The following NDUFAF6 variants were observed in gnomAD, a reference collection of about 807,000 sequenced individuals.
NDUFAF6 encodes NADH:ubiquinone oxidoreductase complex assembly factor 6.
Under a neutral mutation model 40.8 loss-of-function variants are expected in NDUFAF6, and 45 were observed. That is an observed-to-expected ratio of 1.10 (90% CI 0.87 to 1.42). NDUFAF6 has a LOEUF of 1.42. NDUFAF6 is among the 40% of genes most tolerant of loss of function. NDUFAF6 has a pLI of 0.00. For missense variants in NDUFAF6, 435 were observed against 418.5 expected (o/e 1.04, Z -0.34); for synonymous variants, 185 against 155.9 (o/e 1.19, Z -1.39).
chr8:94,999,324 A>C (rs1826606005), intron 2 of NDUFAF6, among the ~76,000 whole-genome samples: 1 of 152,096 alleles, frequency 6.6e-6, no homozygotes. Flanking sequence ...GGGTTTCACC[A>C]TGTTGGCCAG....
chr8:95,116,966 C>A (rs1810148445), downstream of NDUFAF6, among the ~76,000 whole-genome samples: 1 of 152,192 alleles, frequency 6.6e-6, no homozygotes, highest in Non-Finnish European at 1.5e-5. Context: ...AGTCCCAAAG[C>A]AGATGCCAAC....
At chr8:94,941,791 C>A (rs1285099826) in intron 1 of NDUFAF6, among the ~76,000 whole-genome samples, 1 of 152,194 alleles carries the variant, frequency 6.6e-6, no homozygotes, top group African/African-American at 2.4e-5. Flanking sequence ...GTGACTTCAG[C>A]TGGCAACAGC....
intron 1 of NDUFAF6, among the ~76,000 whole-genome samples, chr8:94,919,848 C>G (rs1819380679): frequency 6.6e-6 from 1 of 152,156 alleles, no homozygotes; most frequent in South Asian, 2.1e-4. Context: ...CATTGTAAAC[C>G]AAGCAAGTTA....
intron 1 of NDUFAF6, among the ~76,000 whole-genome samples, chr8:94,932,946 A>G (rs778888202): frequency 2.0e-5 from 3 of 152,198 alleles, no homozygotes; most frequent in Non-Finnish European, 4.4e-5. Flanking sequence ...GCCGAGCACA[A>G]TGGCTCATGA....
intron 3 of NDUFAF6, among the ~76,000 whole-genome samples, chr8:95,039,344 T>A (rs1829888203): frequency 6.6e-6 from 1 of 151,566 alleles, no homozygotes; most frequent in Non-Finnish European, 1.5e-5. Flanking sequence ...TCCCAGTTAC[T>A]CGGGAGGCTG....
chr8:95,064,560 T>C (rs1223286358), intron 9 of NDUFAF6, among the ~76,000 whole-genome samples: 2 of 151,884 alleles, frequency 1.3e-5, no homozygotes, highest in Admixed American at 6.6e-5. Context: ...TGTGTGTGTG[T>C]GTGCGCGCGT....
chr8:95,080,539 G>A (rs117987646), downstream of NDUFAF6, among the ~76,000 whole-genome samples: 299 of 147,422 alleles, frequency 2.0e-3, 2 homozygotes, highest in Non-Finnish European at 3.8e-3. Context: ...TTTTGGTAGT[G>A]TATTTTTGTA....
intron 1 of NDUFAF6, among the ~76,000 whole-genome samples, chr8:94,937,455 AC>A (rs1378808147): frequency 6.6e-6 from 1 of 151,236 alleles, no homozygotes; most frequent in African/African-American, 2.4e-5. Flanking sequence ...AAAAAAAAAA[AC>A]CCAAAAACAA....
upstream of NDUFAF6, among the ~76,000 whole-genome samples, chr8:95,021,844 A>G (rs1156251887): frequency 1.3e-5 from 2 of 152,206 alleles, no homozygotes; most frequent in African/African-American, 4.8e-5. Context: ...TTTGTAGCCA[A>G]GTCAAACAAA....
chr8:94,923,161 C>T lies in NDUFAF6; in HGVS notation c.-935-22322C>T, dbSNP rs542876171. On this transcript the variant is annotated intron_variant, in intron 1 of 14. Coordinates refer to the NDUFAF6 transcript ENST00000396113. ...GTAGGCCGGATAGGAAGGAGGGTGG[C>T]CATGAAGAAAGGTGGTGACAACCTG... 5.4e-4 allele frequency among the ~76,000 whole-genome samples: 82 copies of T among 152,124 alleles called. 2 individuals are homozygous for T. In the South Asian group the frequency reaches 0.015, roughly 27 times the overall value.
upstream of NDUFAF6, chr8:95,024,945 G>A: frequency 8.0e-7 from 1 of 1,256,010 alleles, no homozygotes; most frequent in East Asian, 3.2e-5. Context: ...AACCTGCAGG[G>A]GCGTGGCCGG....
downstream of NDUFAF6, among the ~76,000 whole-genome samples, chr8:95,106,274 CAAA>C (rs772574749): frequency 2.3e-5 from 2 of 87,486 alleles, no homozygotes; most frequent in Non-Finnish European, 2.4e-5. Flanking sequence ...GACTCCATCT[CAAA>C]AAAAAAAAAA....
At chr8:95,116,917 C>T (rs1810147422), downstream of NDUFAF6, among the ~76,000 whole-genome samples, 3 of 152,180 alleles carry the variant, frequency 2.0e-5, no homozygotes, top group African/African-American at 4.8e-5. Flanking sequence ...GTTCTGGCTT[C>T]CACTGTATGA....
chr8:94,960,341 C>G (rs1823464711), intron 1 of NDUFAF6, among the ~76,000 whole-genome samples: 1 of 152,200 alleles, frequency 6.6e-6, no homozygotes, highest in Non-Finnish European at 1.5e-5. Context: ...CTGCTATTTT[C>G]ATCATGGCAA....
chr8:94,962,192 C>G (rs1041172927), intron 1 of NDUFAF6, among the ~76,000 whole-genome samples: 1 of 152,242 alleles, frequency 6.6e-6, no homozygotes, highest in Non-Finnish European at 1.5e-5. Flanking sequence ...ACACAATGCT[C>G]AGAGGCACAG....
chr8:94,903,395 A>G (rs1818155348), intron 1 of NDUFAF6, among the ~76,000 whole-genome samples: 1 of 152,216 alleles, frequency 6.6e-6, no homozygotes, highest in African/African-American at 2.4e-5. Flanking sequence ...CAAAACTGTC[A>G]TAGTTAAAAT....
chr8:95,103,167 G>A (rs1453207378), exon 3 of NDUFAF6: 1 of 152,188 alleles, frequency 6.6e-6, no homozygotes, highest in East Asian at 1.9e-4. Flanking sequence ...GTGTTCAGGT[G>A]GTTTTGTGGC....
intron 1 of NDUFAF6, among the ~76,000 whole-genome samples, chr8:94,920,385 C>T (rs377157223): frequency 2.0e-5 from 3 of 152,310 alleles, no homozygotes; most frequent in Admixed American, 6.5e-5. Flanking sequence ...CTCACTCTAC[C>T]TTCAAGATGG....
At chr8:95,076,578 T>G (rs1032042659), downstream of NDUFAF6, among the ~76,000 whole-genome samples, 8 of 152,148 alleles carry the variant, frequency 5.3e-5, no homozygotes, top group African/African-American at 1.9e-4. Context: ...ATGCTGAGTA[T>G]AAAATGACTC....
Sources: gnomAD v4.1 joint callset for allele counts (sites outside exome capture counted in the v4.1 genomes callset) on GRCh38, gnomAD v4.1.1 for gene constraint, MANE v1.5 for transcripts, NCBI Gene and HGNC (gene_info 2026-07-23, HGNC 2026-07-21) for gene names.